Variants in DPPA2 observed in about 807,000 individuals in gnomAD.
DPPA2 encodes the protein developmental pluripotency associated 2.
A neutral mutation model predicts 36.2 loss-of-function variants in DPPA2; 26 were observed. That is an observed-to-expected ratio of 0.72 (90% CI 0.53 to 1.00). The LOEUF (loss-of-function observed/expected upper bound fraction) is 1.00, where lower values mean the gene tolerates loss of function less well. Among genes scored for constraint, DPPA2 ranks in the 50% least tolerant of loss-of-function variants. DPPA2 has a pLI of 0.00. For synonymous variants in DPPA2, 113 were observed against 123.2 expected (o/e 0.92, Z 0.55); for missense variants, 361 against 365.1 (o/e 0.99, Z 0.09).
At chr3:109,312,352 A>G (rs1459377820) in intron 3 of DPPA2, among the ~76,000 whole-genome samples, 193 bp downstream of exon 3, 1 of 152,154 alleles carries the variant, frequency 6.6e-6, no homozygotes, top group Non-Finnish European at 1.5e-5. Context: ...AAATAAATTA[A>G]TTAAAGTATG....
intron 3 of DPPA2, 144 bp downstream of exon 3, chr3:109,312,401 T>G: frequency 9.7e-7 from 1 of 1,032,070 alleles, no homozygotes. Context: ...GTATGAGAGT[T>G]TGCAAAATTT....
chr3:109,308,372 T>G, intron 5 of DPPA2, 79 bp from the exon 6 acceptor site: 1 of 1,487,014 alleles, frequency 6.7e-7, no homozygotes, highest in Non-Finnish European at 8.9e-7. Flanking sequence ...ATTATTCTTT[T>G]TTTTTTTGAG....
At chr3:109,311,736 G>A (rs974550066) in intron 3 of DPPA2, among the ~76,000 whole-genome samples, 12 of 149,698 alleles carry the variant, frequency 8.0e-5, no homozygotes, top group Admixed American at 6.7e-4. Context: ...ACAAAACTCC[G>A]TCTCCAGAAA....
At chr3:109,310,990 CAG>C (rs1707699921) in intron 3 of DPPA2, among the ~76,000 whole-genome samples, 1 of 151,996 alleles carries the variant, frequency 6.6e-6, no homozygotes, top group Admixed American at 6.6e-5. Flanking sequence ...TTTGTAGAGA[CAG>C]GGTTTCTCCA....
chr3:109,301,928 T>C lies in DPPA2; in HGVS notation c.855-1493A>G, dbSNP rs554786566. Among the ~76,000 whole-genome samples, 4 of 152,252 alleles carry C rather than the reference T, an allele frequency of 2.6e-5. No individual in the cohort carries two copies. The East Asian group carries it at 7.7e-4, about 29-fold the overall frequency. On this transcript the variant is annotated intron_variant, in intron 7 of 8. Transcript: ENST00000478945. ...ATCATATTTTGGCTTCTACTGATCC[T>C]CTCAATCTACTTTCAAAAAGGCCAT...
rs550514936 is a variant in DPPA2 at position 109,300,592 on chromosome 3, A to G, written c.855-157T>C. Among the ~76,000 whole-genome samples the G allele has an allele frequency of 5.3e-5, 8 of 152,014 alleles. No individual in the cohort carries two copies. In the South Asian group the frequency reaches 1.7e-3, roughly 32 times the overall value. Reference sequence around the variant, plus strand: ...ATCCTAGCACTGTGGGAGGCTGAGGAGGGCAGATCACCTGAGGTCAGGAGT... The same window carrying G: ...ATCCTAGCACTGTGGGAGGCTGAGGGGGGCAGATCACCTGAGGTCAGGAGT... On this transcript the variant is annotated intron_variant, in intron 7 of 8. Transcript: ENST00000478945.
intron 8 of DPPA2, among the ~76,000 whole-genome samples, chr3:109,294,477 TG>T (rs1381605587): frequency 6.6e-6 from 1 of 152,194 alleles, no homozygotes; most frequent in Non-Finnish European, 1.5e-5. Flanking sequence ...TGGACAACTG[TG>T]CCATTAGCCA....
rs151045476 is a variant in DPPA2 at position 109,304,634 on chromosome 3, G to A, written c.695C>T (p.Ser232Leu). 189 of 1,612,242 alleles carry A rather than the reference G, an allele frequency of 1.2e-4. No homozygotes were observed. In the African/African-American group the frequency reaches 2.0e-3, roughly 17 times the overall value. The change falls in exon 7 of 9, where the codon TCG (serine) becomes TTG (leucine). Residue 232 changes from serine (S) to leucine (L), a missense_variant. Transcript: ENST00000478945. ...GCGTACCCAACCCTTTGTGTCTGCC[G>A]AGAGAAGTCTGCCATGGACCACACA... ...RWCVVHGRLL[S>L]ADTKGWVRLQ...
chr3:109,301,762 A>C (rs143091288), intron 7 of DPPA2, among the ~76,000 whole-genome samples: 22 of 152,294 alleles, frequency 1.4e-4, no homozygotes, highest in African/African-American at 5.3e-4. Context: ...AGAAAAAGAC[A>C]GAGAGAGACG....
At chr3:109,299,398 T>C (rs1213716559) in intron 8 of DPPA2, among the ~76,000 whole-genome samples, 1 of 151,928 alleles carries the variant, frequency 6.6e-6, no homozygotes, top group Non-Finnish European at 1.5e-5. Flanking sequence ...TAATCCCAGC[T>C]ACTCGGGAGG....
intron 3 of DPPA2, among the ~76,000 whole-genome samples, chr3:109,310,404 T>C (rs1707682538): frequency 1.3e-5 from 1 of 74,486 alleles, no homozygotes. Flanking sequence ...TGAGACTCTG[T>C]CTCAAAAAAA....
intron 8 of DPPA2, among the ~76,000 whole-genome samples, chr3:109,300,165 CAG>C (rs1351366858): frequency 3.9e-5 from 6 of 152,164 alleles, no homozygotes; most frequent in African/African-American, 1.4e-4. Context: ...GGACACAGCA[CAG>C]CAATGATTGG....
chr3:109,314,440 C>A, intron 2 of DPPA2, 70 bp downstream of exon 2: 1 of 1,514,828 alleles, frequency 6.6e-7, no homozygotes, highest in Non-Finnish European at 9.0e-7. Flanking sequence ...AAAAGAGAAA[C>A]ATAAGGGAGA....
chr3:109,314,134 TAAAA>T (rs548922528), intron 2 of DPPA2, among the ~76,000 whole-genome samples: 177 of 151,834 alleles, frequency 1.2e-3, no homozygotes, highest in African/African-American at 4.0e-3. Flanking sequence ...CCTTTGCTTT[TAAAA>T]AAAAACTTAT....
At position 109,308,092 on chromosome 3, in the gene DPPA2, T is replaced by A. The variant is rs766811460; in HGVS notation, c.598A>T (p.Lys200Ter). 2 of 1,614,240 alleles carry A rather than the reference T, an allele frequency of 1.2e-6. No individual in the cohort carries two copies. Among genetic ancestry groups the A allele is most frequent in the South Asian group, 2.2e-5 (2 of 91,080 alleles). ...ARIAARAVQPKALNSCSIPVS... is the reference protein window; with the variant it reads ...ARIAARAVQP ...GGAATGGAACATGAATTCAAAGCCT[T>A]AGGCTGAACAGCTCTTGCAGCAATT... Residue 200 changes from lysine to a stop codon, truncating the protein, a stop_gained, in exon 6 of 9, where the codon AAG becomes TAG. Transcript: ENST00000478945. LOFTEE classifies it high-confidence loss of function.
intron 2 of DPPA2, among the ~76,000 whole-genome samples, chr3:109,313,732 C>G (rs1002215778): frequency 6.6e-6 from 1 of 152,144 alleles, no homozygotes; most frequent in Non-Finnish European, 1.5e-5. Context: ...TCTTCTAGTG[C>G]TGATGCCACA....
intron 6 of DPPA2, 56 bp downstream of exon 6, chr3:109,307,975 TA>T (rs1430630365): frequency 4.7e-5 from 73 of 1,567,650 alleles, no homozygotes; most frequent in Non-Finnish European, 5.7e-5. Context: ...AGTCTTGGAC[TA>T]ATAAAAGTTA....
chr3:109,310,159 C>T lies in DPPA2; in HGVS notation c.182-829G>A, dbSNP rs1389273253. ...AGGAGAATCGCTTGAACCTGGGAGG[C>T]GGAGGTTGTGGTGAGCCAAGATCGC... On this transcript the variant is annotated intron_variant, in intron 3 of 8. Transcript: ENST00000478945. Among the ~76,000 whole-genome samples, 22 of 145,278 alleles carry T rather than the reference C, an allele frequency of 1.5e-4. No individual in the cohort carries two copies. The East Asian group carries it at 3.8e-3, about 25-fold the overall frequency.
At chr3:109,304,720 A>C in intron 6 of DPPA2, 50 bp from the exon 7 acceptor site, 1 of 1,516,588 alleles carries the variant, frequency 6.6e-7, no homozygotes, top group Non-Finnish European at 8.9e-7. Context: ...TAGCACCCCA[A>C]CACAACCTCT....
Sources: allele counts gnomAD v4.1 joint callset (sites outside exome capture counted in the v4.1 genomes callset), GRCh38; gene constraint gnomAD v4.1.1; transcripts MANE v1.5; gene names NCBI Gene and HGNC (gene_info 2026-07-23, HGNC 2026-07-21).